Variants in PLCB1 observed in about 807,000 individuals in gnomAD.
The protein encoded by PLCB1 is 1-phosphatidylinositol 4,5-bisphosphate phosphodiesterase beta-1.
PLCB1 carries 46 observed loss-of-function variants against 161.8 expected under a neutral mutation model. That is an observed-to-expected ratio of 0.28 (90% CI 0.22 to 0.36). The LOEUF (loss-of-function observed/expected upper bound fraction) is 0.36, where lower values mean the gene tolerates loss of function less well. Among genes scored for constraint, PLCB1 ranks in the 10% least tolerant of loss-of-function variants. PLCB1 has a pLI of 1.00. For missense variants in PLCB1, 1,016 were observed against 1,472.5 expected, an observed-to-expected ratio of 0.69 and a Z score of 5.07; for synonymous variants, 517 against 503.7, an observed-to-expected ratio of 1.03 and a Z score of -0.35.
In PLCB1 at chr20:8,831,924, T is replaced by C. The variant is rs944567628; in HGVS notation, c.3423+41663T>C. ...CCTCTCTTTCTTTCTCTTTCTTTCTTTCTTTCTTTCTTTCTTTCTTTCTTT... is the reference window on the plus strand; with the variant it reads ...CCTCTCTTTCTTTCTCTTTCTTTCTCTCTTTCTTTCTTTCTTTCTTTCTTT... On this transcript the variant is annotated intron_variant, in intron 31 of 31. Transcript: ENST00000338037. Among the ~76,000 whole-genome samples, 28 of 51,948 alleles carry C rather than the reference T, an allele frequency of 5.4e-4. 1 individual carries two copies. The East Asian group carries it at 0.011, about 20-fold the overall frequency. 34.1% of individuals were successfully genotyped at this position (51,948 alleles called of 152,430 possible).
intron 31 of PLCB1, 77 bp from the exon 32 acceptor site, chr20:8,881,545 C>T (rs2146337387): frequency 4.7e-6 from 5 of 1,070,374 alleles, no homozygotes; most frequent in Non-Finnish European, 7.2e-6. Flanking sequence ...TTGTATATCT[C>T]TTTCAGAGAG....
intron 31 of PLCB1, among the ~76,000 whole-genome samples, chr20:8,840,346 T>C (rs984198150): frequency 6.6e-6 from 1 of 152,162 alleles, no homozygotes; most frequent in African/African-American, 2.4e-5. Flanking sequence ...TAGGGCAATA[T>C]AGCCAAGTGG....
At chr20:8,420,322 T>C (rs1332787471) in intron 3 of PLCB1, among the ~76,000 whole-genome samples, 1 of 152,206 alleles carries the variant, frequency 6.6e-6, no homozygotes, top group Non-Finnish European at 1.5e-5. Flanking sequence ...AGATTTGTCA[T>C]TTTTAAATAT....
chr20:8,338,954 T>A (rs898286031), intron 2 of PLCB1, among the ~76,000 whole-genome samples: 1 of 152,246 alleles, frequency 6.6e-6, no homozygotes, highest in African/African-American at 2.4e-5. Context: ...TTTTTTGAGA[T>A]TCATCCGTGT....
At chr20:8,502,736 CT>C (rs1301537379) in intron 3 of PLCB1, among the ~76,000 whole-genome samples, 2 of 152,136 alleles carry the variant, frequency 1.3e-5, no homozygotes, top group Non-Finnish European at 2.9e-5. Flanking sequence ...TTGCAGAATT[CT>C]TCGAAAATTT....
intron 25 of PLCB1, among the ~76,000 whole-genome samples, chr20:8,761,757 A>G (rs1184492860): frequency 6.7e-6 from 1 of 149,682 alleles, no homozygotes; most frequent in Non-Finnish European, 1.5e-5. Flanking sequence ...ACCTCAGGTG[A>G]TCCACCCGCT....
At chr20:8,182,829 C>T (rs1219275807) in intron 2 of PLCB1, among the ~76,000 whole-genome samples, 1 of 152,050 alleles carries the variant, frequency 6.6e-6, no homozygotes, top group African/African-American at 2.4e-5. Flanking sequence ...AATCCGCCCA[C>T]CTCAGCCTCC....
intron 3 of PLCB1, among the ~76,000 whole-genome samples, chr20:8,522,101 C>T (rs1478440126): frequency 2.0e-5 from 3 of 152,152 alleles, no homozygotes; most frequent in Admixed American, 2.0e-4. Flanking sequence ...CTACTATCCC[C>T]ATGCACCCTA....
chr20:8,644,655 G>T (rs1197862766), intron 4 of PLCB1, among the ~76,000 whole-genome samples: 1 of 151,906 alleles, frequency 6.6e-6, no homozygotes, highest in African/African-American at 2.4e-5. Flanking sequence ...ACCTGTCTGG[G>T]AAGTGAGGAG....
At chr20:8,575,535 T>G (rs1294227988) in intron 3 of PLCB1, among the ~76,000 whole-genome samples, 4 of 152,238 alleles carry the variant, frequency 2.6e-5, no homozygotes, top group Admixed American at 2.6e-4. Context: ...TAGACAAGAA[T>G]CAGGCAATGA....
At chr20:8,650,583 C>T (rs1989290571) in intron 7 of PLCB1, among the ~76,000 whole-genome samples, 1 of 152,208 alleles carries the variant, frequency 6.6e-6, no homozygotes, top group Non-Finnish European at 1.5e-5. Flanking sequence ...TTCTACCCTA[C>T]CACTGGCTCG....
rs1444610794 is a variant in PLCB1, at chr20:8,790,201, A to G, written c.3363A>G (p.Gln1121=). 1 of 1,611,834 alleles carries G rather than the reference A, an allele frequency of 6.2e-7. No homozygotes were observed. The highest frequency in any genetic ancestry group is 8.5e-7 in the Non-Finnish European group (1 of 1,178,476). ...KRLEEAQSKR[Q]EKLVEKHKEI... ...TAGAAGAAGCGCAAAGTAAACGGCA[A>G]GAAAAACTCGTAGAGAAACACAAGG... is the stretch of plus-strand genomic sequence containing the variant. Residue 1121 remains glutamine, a synonymous_variant, in exon 31 of 32, where the codon CAA becomes CAG. Coordinates refer to ENST00000338037, the MANE Select transcript of PLCB1 (RefSeq NM_015192.4).
At chr20:8,349,695 T>G (rs1005924778) in intron 2 of PLCB1, among the ~76,000 whole-genome samples, 1 of 152,184 alleles carries the variant, frequency 6.6e-6, no homozygotes, top group African/African-American at 2.4e-5. Flanking sequence ...TTAGGGCATT[T>G]AAAATAGTGG....
At chr20:8,336,779 A>T (rs936501134) in intron 2 of PLCB1, among the ~76,000 whole-genome samples, 1 of 152,154 alleles carries the variant, frequency 6.6e-6, no homozygotes, top group Non-Finnish European at 1.5e-5. Flanking sequence ...TTTTCTATGG[A>T]AAAGAATGTT....
chr20:8,739,379 G>A lies in PLCB1; in HGVS notation c.2308+19G>A. 1 of 1,489,608 alleles carries A rather than the reference G, an allele frequency of 6.7e-7. No homozygotes were observed. The highest frequency in any genetic ancestry group is 9.4e-7 in the Non-Finnish European group (1 of 1,067,010). The allele number at this position is 1,489,608 out of a possible 1,614,324, so 92.3% of individuals were successfully genotyped here. A position where few individuals can be genotyped will look rare whatever the true frequency, so the allele number is the denominator to read the frequency against. ...CGGCCAGGTATGGGTAGTGTGCTGA[G>A]AAACCTTTTATCAAAGTTGCAAAGA... On this transcript the variant is annotated intron_variant, in intron 21 of 31. Coordinates refer to ENST00000338037, the MANE Select transcript of PLCB1 (RefSeq NM_015192.4).
At chr20:8,741,932 T>C (rs941156354) in intron 23 of PLCB1, among the ~76,000 whole-genome samples, 14 of 152,208 alleles carry the variant, frequency 9.2e-5, no homozygotes, top group Non-Finnish European at 1.9e-4. Context: ...CCTTTATCTT[T>C]AATGTAGCAT....
chr20:8,192,470 G>A (rs560727230), intron 2 of PLCB1, among the ~76,000 whole-genome samples: 1 of 151,960 alleles, frequency 6.6e-6, no homozygotes, highest in African/African-American at 2.4e-5. Context: ...GAGCCTTCCT[G>A]AGTATCTTAA....
intron 3 of PLCB1, among the ~76,000 whole-genome samples, chr20:8,602,288 C>G (rs888567749): frequency 1.3e-5 from 2 of 151,930 alleles, no homozygotes; most frequent in Non-Finnish European, 2.9e-5. Context: ...AGACCTTAAA[C>G]TGCCTTAATT....
At chr20:8,259,486 C>T (rs965765716) in intron 2 of PLCB1, among the ~76,000 whole-genome samples, 10 of 152,014 alleles carry the variant, frequency 6.6e-5, no homozygotes, top group Non-Finnish European at 1.3e-4. Flanking sequence ...CATGGTGACA[C>T]ACTCCTGTGG....
Sources: allele counts gnomAD v4.1 joint callset (sites outside exome capture counted in the v4.1 genomes callset), GRCh38; gene constraint gnomAD v4.1.1; transcripts MANE v1.5; gene names NCBI Gene and HGNC (gene_info 2026-07-23, HGNC 2026-07-21).